The following EPC2 variants were observed in gnomAD, a reference collection of about 807,000 sequenced individuals.
The protein encoded by EPC2 is enhancer of polycomb 2, also known as enhancer of polycomb homolog 2.
A neutral mutation model predicts 92.1 loss-of-function variants in EPC2; 14 were observed. The ratio of observed to expected loss-of-function variants is 0.15; its 90% CI spans 0.10 to 0.24. EPC2 has a LOEUF of 0.24. Among genes scored for constraint, EPC2 ranks in the 10% least tolerant of loss-of-function variants. EPC2 has a pLI of 1.00. For missense variants in EPC2, 755 were observed against 971.5 expected (o/e 0.78, Z 2.96); for synonymous variants, 340 against 334.7 (o/e 1.02, Z -0.17).
chr2:148,658,490 C>T (rs1328324528), intron 1 of EPC2, among the ~76,000 whole-genome samples: 2 of 151,972 alleles, frequency 1.3e-5, no homozygotes, highest in Non-Finnish European at 2.9e-5. Context: ...TCAAATATTT[C>T]ACTGTTCTGC....
chr2:148,740,637 G>T (rs1022150239), intron 2 of EPC2, among the ~76,000 whole-genome samples: 2 of 152,142 alleles, frequency 1.3e-5, no homozygotes, highest in East Asian at 3.8e-4. Context: ...CAGATAGGAG[G>T]TGGAGGAACA....
intron 10 of EPC2, among the ~76,000 whole-genome samples, chr2:148,779,203 A>G (rs138888289): frequency 7.2e-5 from 11 of 152,342 alleles, no homozygotes; most frequent in Admixed American, 3.3e-4. Flanking sequence ...CATGGTTCAT[A>G]AAAAGAAGTG....
At chr2:148,733,479 ATTTTTTTTTTTTTTTT>A (rs34219179) in intron 2 of EPC2, among the ~76,000 whole-genome samples, 46 of 26,678 alleles carry the variant, frequency 1.7e-3, no homozygotes, top group East Asian at 7.0e-3. Flanking sequence ...CTCTCTCTGG[ATTTTTTTTTTTTTTTT>A]TTTTTTTTTT....
At chr2:148,675,215 C>A (rs1193905040) in intron 1 of EPC2, among the ~76,000 whole-genome samples, 1 of 151,580 alleles carries the variant, frequency 6.6e-6, no homozygotes, top group East Asian at 1.9e-4. Flanking sequence ...TTTTTTTTCC[C>A]TTTTCTTCCA....
chr2:148,703,984 A>G (rs1199176085), intron 2 of EPC2, among the ~76,000 whole-genome samples: 1 of 152,210 alleles, frequency 6.6e-6, no homozygotes, highest in Non-Finnish European at 1.5e-5. Context: ...ACTGTGGAAA[A>G]CAGTATGATC....
intron 1 of EPC2, among the ~76,000 whole-genome samples, chr2:148,647,192 A>G (rs1421806311): frequency 1.3e-5 from 2 of 152,168 alleles, no homozygotes; most frequent in African/African-American, 4.8e-5. Flanking sequence ...AATCACCAAC[A>G]TACGTGGTCC....
intron 1 of EPC2, among the ~76,000 whole-genome samples, chr2:148,680,621 T>G (rs1156802952): frequency 1.3e-5 from 2 of 152,184 alleles, no homozygotes; most frequent in Non-Finnish European, 2.9e-5. Context: ...GCCAACTTGG[T>G]CACTATAAAC....
intron 2 of EPC2, 109 bp downstream of exon 2, chr2:148,690,482 T>C (rs1474691684): frequency 1.6e-5 from 15 of 949,176 alleles, no homozygotes; most frequent in East Asian, 2.5e-5. Context: ...TACACACTGA[T>C]TAATAGATAT....
rs539415385 is a variant in EPC2 at position 148,672,644 on chromosome 2, AT to A, written c.154-17564del. ...CTTAATATTATAGTGTCAAAATTAT[AT>A]TTTTTGTGTTTTGTATGCATTAACA... On this transcript the variant is annotated intron_variant, in intron 1 of 13. Coordinates refer to ENST00000258484, the MANE Select transcript of EPC2 (RefSeq NM_015630.4). Among the ~76,000 whole-genome samples the A allele has an allele frequency of 3.3e-5, 5 of 152,194 alleles. No homozygotes were observed. In the South Asian group the frequency reaches 1.0e-3, roughly 32 times the overall value.
intron 10 of EPC2, among the ~76,000 whole-genome samples, chr2:148,781,442 A>G (rs1368721512): frequency 1.3e-5 from 2 of 152,186 alleles, no homozygotes; most frequent in African/African-American, 4.8e-5. Flanking sequence ...TTTTCTTAGC[A>G]TGTGATGGAG....
At position 148,661,170 on chromosome 2, in the gene EPC2, T is replaced by C. The variant is rs543449937; in HGVS notation, c.153+16000T>C. ...TTAGCTTATAGAGAATTGACATCTT[T>C]ATGATGTTGACTTCCTGTTTTGGAA... is the stretch of plus-strand genomic sequence containing the variant. On this transcript the variant is annotated intron_variant, in intron 1 of 13. Coordinates refer to ENST00000258484, the MANE Select transcript of EPC2 (RefSeq NM_015630.4). 2.3e-4 allele frequency among the ~76,000 whole-genome samples: 35 copies of C among 152,266 alleles called. No individual in the cohort carries two copies. The South Asian group carries it at 3.3e-3, about 14-fold the overall frequency.
chr2:148,653,604 C>T (rs974097604), intron 1 of EPC2, among the ~76,000 whole-genome samples: 1 of 152,138 alleles, frequency 6.6e-6, no homozygotes, highest in African/African-American at 2.4e-5. Flanking sequence ...TTTTGTTTTA[C>T]TGTAAGCAGC....
At chr2:148,691,607 T>C (rs1232304348) in intron 2 of EPC2, 1 of 1,550,388 alleles carries the variant, frequency 6.4e-7, no homozygotes, top group Non-Finnish European at 8.7e-7. Flanking sequence ...AGAATTTTCA[T>C]TTGTTTCTGC....
At chr2:148,769,604 T>C (rs370385375) in intron 8 of EPC2, among the ~76,000 whole-genome samples, 10 of 152,246 alleles carry the variant, frequency 6.6e-5, no homozygotes, top group East Asian at 3.8e-4. Flanking sequence ...TTGAAATTTA[T>C]TGTTATGCAA....
At position 148,755,895 on chromosome 2, in the gene EPC2, C is replaced by G. The variant is rs534446562; in HGVS notation, c.666+1762C>G. Reference sequence around the variant, plus strand: ...GTGTGAGCCACCACATCCAACCTCTCAGATCTTATCTGTGTCATTAAGCAA... The same window carrying G: ...GTGTGAGCCACCACATCCAACCTCTGAGATCTTATCTGTGTCATTAAGCAA... On this transcript the variant is annotated intron_variant, in intron 4 of 13. Coordinates refer to ENST00000258484, the MANE Select transcript of EPC2 (RefSeq NM_015630.4). Among the ~76,000 whole-genome samples, 18 of 152,328 alleles carry G rather than the reference C, an allele frequency of 1.2e-4. No homozygotes were observed. In the South Asian group the frequency reaches 3.7e-3, roughly 32 times the overall value.
intron 2 of EPC2, among the ~76,000 whole-genome samples, chr2:148,731,158 C>A (rs1682620409): frequency 6.6e-6 from 1 of 152,038 alleles, no homozygotes; most frequent in Admixed American, 6.6e-5. Flanking sequence ...GAGGTACAGT[C>A]AGTGTTGGTT....
At position 148,783,697 on chromosome 2, in the gene EPC2, A is replaced by C; in HGVS notation, c.1958A>C (p.Glu653Ala). Reference sequence around the variant, plus strand: ...AGTGCACCTGTTCCAAGTCGCAGTGAGGTAGCCAAGGAACAGAACACTGGC... The same window carrying C: ...AGTGCACCTGTTCCAAGTCGCAGTGCGGTAGCCAAGGAACAGAACACTGGC... Reference protein sequence around the residue: ...VVSAPVPSRSEVAKEQNTGHN... With the variant: ...VVSAPVPSRSAVAKEQNTGHN... Residue 653 changes from glutamate to alanine, a missense_variant, in exon 12 of 14, where the codon GAG becomes GCG. Physicochemically the swap from Glu to Ala is moderately radical, Grantham distance 107 (BLOSUM62 -1). This residue lies in a region of EPC2 where 207 missense variants were observed against 260.5 expected (regional missense o/e 0.79). Coordinates refer to ENST00000258484, the MANE Select transcript of EPC2 (RefSeq NM_015630.4). 1 of 1,594,814 alleles carries C rather than the reference A, an allele frequency of 6.3e-7. No homozygotes were observed.
chr2:148,779,918 GTTTAA>G (rs1683716528), intron 10 of EPC2, among the ~76,000 whole-genome samples: 1 of 152,052 alleles, frequency 6.6e-6, no homozygotes, highest in Non-Finnish European at 1.5e-5. Flanking sequence ...ATTTATTTGG[GTTTAA>G]TTTAAGATTT....
chr2:148,695,067 C>T (rs557549249), intron 2 of EPC2, among the ~76,000 whole-genome samples: 21 of 152,336 alleles, frequency 1.4e-4, no homozygotes, highest in Admixed American at 2.6e-4. Flanking sequence ...CGTGAGCCAT[C>T]GCACCAGCCT....
Sources: gnomAD v4.1 joint callset for allele counts (sites outside exome capture counted in the v4.1 genomes callset) on GRCh38, gnomAD v4.1.1 for gene constraint, gnomAD v4.1.1 regional missense constraint, MANE v1.5 for transcripts, NCBI Gene and HGNC (gene_info 2026-07-23, HGNC 2026-07-21) for gene names.